The following ZNF695 variants were observed in gnomAD, a reference collection of about 807,000 sequenced individuals.
The protein encoded by ZNF695 is zinc finger protein SBZF3.
ZNF695 carries 11 observed loss-of-function variants against 11.2 expected under a neutral mutation model. The observed-to-expected ratio is 0.98, with a 90% confidence interval of 0.62 to 1.62. ZNF695 has a LOEUF of 1.62. ZNF695 is among the 40% of genes most tolerant of loss of function. The pLI is 0.00. For synonymous variants in ZNF695, 190 were observed against 201.4 expected (o/e 0.94, Z 0.48); for missense variants, 559 against 590.5 (o/e 0.95, Z 0.55).
At chr1:246,978,786 C>T (rs1241078014) in intron 4 of ZNF695, among the ~76,000 whole-genome samples, 1 of 152,178 alleles carries the variant, frequency 6.6e-6, no homozygotes, top group East Asian at 1.9e-4. Context: ...CTTCATGTTA[C>T]TCACTCAGCA....
chr1:246,999,066 G>C (rs1188239556), intron 3 of ZNF695, among the ~76,000 whole-genome samples: 1 of 151,322 alleles, frequency 6.6e-6, no homozygotes, highest in African/African-American at 2.4e-5. Flanking sequence ...GTCCCCAAAA[G>C]CAATGCAAGA....
intron 5 of ZNF695, among the ~76,000 whole-genome samples, chr1:246,958,291 C>T (rs1413932865): frequency 1.3e-5 from 2 of 152,006 alleles, no homozygotes; most frequent in Admixed American, 6.6e-5. Flanking sequence ...ATCTCCTGAC[C>T]TCGTGATCTG....
At chr1:246,997,330 C>T (rs1366007756) in intron 3 of ZNF695, among the ~76,000 whole-genome samples, 1 of 152,014 alleles carries the variant, frequency 6.6e-6, no homozygotes, top group Non-Finnish European at 1.5e-5. Context: ...TGGTGAAACC[C>T]CATCTCTACT....
rs775848243 is a variant in ZNF695, at chr1:246,986,623, A to AT, written c.*343dup. The AT allele has an allele frequency of 1.7e-4, 169 of 1,017,748 alleles. No homozygotes were observed. The highest frequency in any genetic ancestry group is 1.9e-4 in the Non-Finnish European group (162 of 851,478). The allele number at this position is 1,017,748 out of a possible 1,614,324, so 63.0% of individuals were successfully genotyped here. A position where few individuals can be genotyped will look rare whatever the true frequency, so the allele number is the denominator to read the frequency against. The stretch of plus-strand genomic sequence containing the variant: ...AACACTCTGGTGTTTTCTGAGGTAT[A>AT]TTTTTTGAACAAATGTTGTTTCTGC... On this transcript the variant is annotated 3_prime_UTR_variant, in exon 4 of 4. Coordinates refer to ENST00000339986, the MANE Select transcript of ZNF695 (RefSeq NM_020394.5).
chr1:246,967,263 T>C (rs1311629359), intron 5 of ZNF695: 1 of 426,518 alleles, frequency 2.3e-6, no homozygotes, highest in Non-Finnish European at 4.6e-6. Context: ...AAAAGGATTA[T>C]ATATTAAAAA....
At chr1:246,985,091 A>G (rs1668813095), downstream of ZNF695, among the ~76,000 whole-genome samples, 1 of 152,122 alleles carries the variant, frequency 6.6e-6, no homozygotes, top group African/African-American at 2.4e-5. Flanking sequence ...TGGTTCCAAC[A>G]TTTTTCTCTT....
intron 5 of ZNF695, among the ~76,000 whole-genome samples, chr1:246,952,459 C>G (rs1274305953): frequency 6.6e-6 from 1 of 152,020 alleles, no homozygotes; most frequent in Non-Finnish European, 1.5e-5. Flanking sequence ...AAGTTTTGTT[C>G]ACAGTTCATA....
intron 1 of ZNF695, among the ~76,000 whole-genome samples, chr1:247,004,039 C>T (rs1416261496): frequency 6.6e-6 from 1 of 152,126 alleles, no homozygotes; most frequent in Non-Finnish European, 1.5e-5. Flanking sequence ...ATGGTGAAAC[C>T]CTGTCTCTAC....
chr1:246,994,120 C>T (rs540040884), intron 3 of ZNF695, among the ~76,000 whole-genome samples: 4 of 151,884 alleles, frequency 2.6e-5, no homozygotes, highest in Admixed American at 1.3e-4. Context: ...GGAACAAAAG[C>T]GTAAAAATAA....
intron 1 of ZNF695, among the ~76,000 whole-genome samples, chr1:247,002,512 G>A (rs1193073566): frequency 2.0e-5 from 3 of 152,330 alleles, no homozygotes; most frequent in South Asian, 2.1e-4. Flanking sequence ...AAGGCCGGGC[G>A]TGGTGGCTCC....
intron 5 of ZNF695, among the ~76,000 whole-genome samples, chr1:246,956,565 G>T (rs1223345199): frequency 6.6e-6 from 1 of 152,066 alleles, no homozygotes. Flanking sequence ...GCAGTGAGCC[G>T]AGATTGTGCC....
At chr1:246,964,012 C>T (rs1171673439) in intron 5 of ZNF695, among the ~76,000 whole-genome samples, 1 of 152,132 alleles carries the variant, frequency 6.6e-6, no homozygotes, top group African/African-American at 2.4e-5. Flanking sequence ...TATTTATGTT[C>T]ACCTGTTTAT....
chr1:246,960,130 C>T (rs1465233210), intron 5 of ZNF695, among the ~76,000 whole-genome samples: 12 of 152,178 alleles, frequency 7.9e-5, no homozygotes, highest in Admixed American at 7.2e-4. Context: ...TGCTTTTCCT[C>T]TCAGATTTCA....
chr1:246,987,807 T>C lies in ZNF695; in HGVS notation c.708A>G (p.Gly236=). 6.2e-7 allele frequency: 1 copy of C among 1,609,810 alleles called. No individual in the cohort carries two copies. The highest frequency in any genetic ancestry group is 8.5e-7 in the Non-Finnish European group (1 of 1,178,818). Residue 236 remains glycine (G), a synonymous_variant, in exon 4 of 4, where the codon GGA becomes GGG. Transcript: ENST00000339986. ...ATTCTTCACATTTGCAATGTTTCTC[T>C]CCAACATGAATTCTCTTACAGTCAG... ...CFTDCKRIHV[G]EKHCKCEECN...
At chr1:246,984,194 A>G (rs1394037947), downstream of ZNF695, among the ~76,000 whole-genome samples, 2 of 150,314 alleles carry the variant, frequency 1.3e-5, no homozygotes, top group African/African-American at 2.4e-5. Context: ...AGAAAGTCCA[A>G]ATTTCCTGTT....
chr1:246,951,778 G>T (rs1226133549), intron 5 of ZNF695, among the ~76,000 whole-genome samples: 2 of 152,154 alleles, frequency 1.3e-5, no homozygotes, highest in Non-Finnish European at 2.9e-5. Context: ...TGGCACAGCT[G>T]GGCCAGCCCT....
chr1:246,966,701 C>T (rs1409014503), intron 5 of ZNF695: 2 of 447,358 alleles, frequency 4.5e-6, no homozygotes, highest in African/African-American at 2.0e-5. Flanking sequence ...TGAGAGATCG[C>T]TTGACCCTGG....
chr1:246,986,781 T>C lies in ZNF695; in HGVS notation c.*186A>G. The C allele has an allele frequency of 7.4e-7, 1 of 1,351,490 alleles. No homozygotes were observed. The highest frequency in any genetic ancestry group is 9.5e-7 in the Non-Finnish European group (1 of 1,058,164). 83.7% of individuals were successfully genotyped at this position (1,351,490 alleles called of 1,614,324 possible). ...AGAGCTGTGATATAAGTGGAGGTGT[T>C]GAACCGGTCTATTTGTATTGTTCGT... On this transcript the variant is annotated 3_prime_UTR_variant, in exon 4 of 4. Coordinates refer to ENST00000339986, the MANE Select transcript of ZNF695 (RefSeq NM_020394.5).
rs1454293531 is a variant in ZNF695, at chr1:246,999,385, G to C, written c.222C>G (p.Pro74=). ...LIICLEARKE[P]WNVNTEKTAR... Reference sequence around the variant, plus strand: ...CTGTCTTCTCTGTGTTCACGTTCCAGGGCTCTTTCCTTGCCTCCAGACAGA... The same window carrying C: ...CTGTCTTCTCTGTGTTCACGTTCCACGGCTCTTTCCTTGCCTCCAGACAGA... The change falls in exon 3 of 4, where the codon CCC becomes CCG. Residue 74 remains proline, a synonymous_variant. Transcript: ENST00000339986. 1 of 1,614,032 alleles carries C rather than the reference G, an allele frequency of 6.2e-7. No homozygotes were observed. Among genetic ancestry groups the C allele is most frequent in the South Asian group, 1.1e-5 (1 of 91,080 alleles).
Sources: allele counts gnomAD v4.1 joint callset (sites outside exome capture counted in the v4.1 genomes callset), GRCh38; gene constraint gnomAD v4.1.1; transcripts MANE v1.5; gene names NCBI Gene and HGNC (gene_info 2026-07-23, HGNC 2026-07-21).